PNLDC1: variants seen among roughly 807,000 people sequenced by gnomAD.
PNLDC1 encodes the protein poly(A)-specific ribonuclease PNLDC1.
Under a neutral mutation model 82.0 loss-of-function variants are expected in PNLDC1, and 70 were observed. The ratio of observed to expected loss-of-function variants is 0.85; its 90% confidence interval spans 0.70 to 1.04. The LOEUF (loss-of-function observed/expected upper bound fraction) is 1.04, where lower values mean the gene tolerates loss of function less well. PNLDC1 is among the 50% of genes least tolerant of loss of function. PNLDC1 has a pLI of 0.00. For synonymous variants in PNLDC1, 280 were observed against 249.3 expected (o/e 1.12, Z -1.16); for missense variants, 631 against 661.1 (o/e 0.95, Z 0.50).
intron 12 of PNLDC1, 60 bp from the exon 13 acceptor site, chr6:159,815,909 A>G: frequency 7.8e-7 from 1 of 1,284,996 alleles, no homozygotes; most frequent in Non-Finnish European, 1.1e-6. Context: ...ACTGAGGGGG[A>G]ATACAAGAAG....
chr6:159,802,651 G>T (rs1196392170), intron 3 of PNLDC1, among the ~76,000 whole-genome samples: 1 of 152,168 alleles, frequency 6.6e-6, no homozygotes, highest in Non-Finnish European at 1.5e-5. Flanking sequence ...CACGATCTTG[G>T]CTCCCTGCAA....
chr6:159,818,582 T>C lies in PNLDC1; in HGVS notation c.1185T>C (p.Phe395=). 1 of 1,613,884 alleles carries C rather than the reference T, an allele frequency of 6.2e-7. No homozygotes were observed. Among genetic ancestry groups the C allele is most frequent in the Non-Finnish European group, 8.5e-7 (1 of 1,180,036 alleles). The part of the protein sequence containing the change: ...YHIDPVPESS[F]PQYLDVLAPY... The stretch of plus-strand genomic sequence containing the variant: ...TCGACCCCGTGCCCGAGTCATCCTT[T>C]CCTCAGTACCTTGACGTGCTGGCTC... Residue 395 remains phenylalanine (F), a synonymous_variant, in exon 16 of 19, where the codon TTT becomes TTC. Transcript: ENST00000392167.
chr6:159,809,924 G>C (rs978489494), intron 9 of PNLDC1, 102 bp from the exon 10 acceptor site: 1 of 944,780 alleles, frequency 1.1e-6, no homozygotes, highest in African/African-American at 1.6e-5. Flanking sequence ...GATCAGAATT[G>C]CAGTGGGTTC....
intron 13 of PNLDC1, among the ~76,000 whole-genome samples, chr6:159,816,288 C>G (rs1034430157): frequency 6.7e-6 from 1 of 150,322 alleles, no homozygotes; most frequent in Non-Finnish European, 1.5e-5. Flanking sequence ...ATGAGCGAGC[C>G]CAGAATGCAT....
Position 159,809,415 on chromosome 6 carries a change from G to A in PNLDC1, c.783+257G>A, listed in dbSNP as rs149187991. On this transcript the variant is annotated intron_variant, in intron 9 of 18. Coordinates refer to ENST00000392167, the MANE Select transcript of PNLDC1 (RefSeq NM_001271862.2). ...AACTCATACCTCAGCTTCCTGAGTA[G>A]CTGGGACTACAGGCACATGCCACCA... Among the ~76,000 whole-genome samples the A allele has an allele frequency of 1.5e-3, 224 of 151,648 alleles. 1 individual carries two copies. Among genetic ancestry groups the A allele is most frequent in the African/African-American group, 5.0e-3 (208 of 41,292 alleles).
At chr6:159,800,550 C>T in intron 1 of PNLDC1, 167 bp downstream of exon 1, 2 of 1,350,608 alleles carry the variant, frequency 1.5e-6, no homozygotes, top group Non-Finnish European at 2.0e-6. Context: ...CTTTGAGCAG[C>T]AAGTACACTC....
In PNLDC1 at chr6:159,803,407, C is replaced by T. The variant is rs539096933; in HGVS notation, c.248+97C>T. The T allele has an allele frequency of 2.7e-5, 30 of 1,123,694 alleles. No homozygotes were observed. In the East Asian group the frequency reaches 7.1e-4, roughly 26 times the overall value. The allele number at this position is 1,123,694 out of a possible 1,614,324, so 69.6% of individuals were successfully genotyped here. On this transcript the variant is annotated intron_variant, in intron 4 of 18. Transcript: ENST00000392167. ...GCCTCAGGTGCCCCGATCACTTTTG[C>T]CCTGGATCTTCCGTATTCTCTCCTG...
At chr6:159,804,402 C>A in intron 5 of PNLDC1, 147 bp from the exon 6 acceptor site, 1 of 655,058 alleles carries the variant, frequency 1.5e-6, no homozygotes. Flanking sequence ...CCGCACCCGG[C>A]CTGGGAATGT....
intron 3 of PNLDC1, among the ~76,000 whole-genome samples, chr6:159,801,528 C>G (rs1424329308): frequency 6.6e-6 from 1 of 152,164 alleles, no homozygotes; most frequent in African/African-American, 2.4e-5. Context: ...CTCACTGCAG[C>G]CTAGACTTCC....
intron 5 of PNLDC1, 130 bp downstream of exon 5, chr6:159,804,218 A>G: frequency 9.1e-7 from 1 of 1,098,902 alleles, no homozygotes; most frequent in South Asian, 1.5e-5. Context: ...TTCCTGCTTC[A>G]GCCTCCCAAG....
Position 159,818,663 on chromosome 6 carries a change from AT to A in PNLDC1, c.1257+10del. 6.2e-7 allele frequency: 1 copy of A among 1,610,782 alleles called. No homozygotes were observed. The highest frequency in any genetic ancestry group is 8.5e-7 in the Non-Finnish European group (1 of 1,177,658). ...CGGGGGTCCCAAAGATCGTGAGTAG[AT>A]CTCATTTGGCCCCCTCGCCCCATTC... On this transcript the variant is annotated intron_variant, in intron 16 of 18. Coordinates refer to ENST00000392167, the MANE Select transcript of PNLDC1 (RefSeq NM_001271862.2).
chr6:159,811,597 T>A (rs1448507716), intron 10 of PNLDC1, 104 bp from the exon 11 acceptor site: 1 of 814,702 alleles, frequency 1.2e-6, no homozygotes, highest in Non-Finnish European at 2.1e-6. Context: ...TGTTTCAGTT[T>A]GCTTTATTAA....
Position 159,820,618 on chromosome 6 carries a change from G to A in PNLDC1, c.*101G>A, listed in dbSNP as rs1245729411. 1.7e-6 allele frequency: 2 copies of A among 1,150,858 alleles called. No homozygotes were observed. Among genetic ancestry groups the A allele is most frequent in the Admixed American group, 1.7e-5 (1 of 57,852 alleles). The allele number at this position is 1,150,858 out of a possible 1,614,324, so 71.3% of individuals were successfully genotyped here. On this transcript the variant is annotated 3_prime_UTR_variant, in exon 19 of 19. Transcript: ENST00000392167. Reference sequence around the variant, plus strand: ...TCAGATTCTGTTTGCAGATGGATCTGTTTGGTCTTTTCTAGAAATTCTGTT... The same window carrying A: ...TCAGATTCTGTTTGCAGATGGATCTATTTGGTCTTTTCTAGAAATTCTGTT...
Position 159,816,607 on chromosome 6 carries a change from C to T in PNLDC1, c.1114+11C>T, listed in dbSNP as rs763454358. 43 of 1,603,688 alleles carry T rather than the reference C, an allele frequency of 2.7e-5. No homozygotes were observed. The highest frequency in any genetic ancestry group is 1.8e-4 in the Admixed American group (11 of 59,662). ...TCCTCTGTGGGTCAGGTAAGGATTG[C>T]GGTTCCTTTAAAAGGAAACTCACTT... On this transcript the variant is annotated intron_variant, in intron 14 of 18. Transcript: ENST00000392167.
intron 15 of PNLDC1, among the ~76,000 whole-genome samples, chr6:159,817,980 A>G (rs1781892245): frequency 1.3e-5 from 2 of 152,228 alleles, no homozygotes; most frequent in African/African-American, 4.8e-5. Flanking sequence ...CCTGGTAAGT[A>G]CGTGTGTGCT....
At chr6:159,802,302 A>C (rs982419397) in intron 3 of PNLDC1, among the ~76,000 whole-genome samples, 1 of 150,980 alleles carries the variant, frequency 6.6e-6, no homozygotes, top group Admixed American at 6.6e-5. Flanking sequence ...CCTCTCCCGC[A>C]CCATTGGGTT....
Position 159,806,086 on chromosome 6 carries a change from A to G in PNLDC1, c.562+3A>G. 6.2e-7 allele frequency: 1 copy of G among 1,611,596 alleles called. No individual in the cohort carries two copies. Among genetic ancestry groups the G allele is most frequent in the Non-Finnish European group, 8.5e-7 (1 of 1,177,804 alleles). On this transcript the variant is annotated splice_donor_region_variant and intron_variant, in intron 7 of 18. Coordinates refer to ENST00000392167, the MANE Select transcript of PNLDC1 (RefSeq NM_001271862.2). ...GATGACTCTTCCTGGGATCACTGGT[A>G]GGCAGGGCCTGTTCCTCCCAACGCA...
At chr6:159,812,117 G>A (rs149823288) in intron 11 of PNLDC1, among the ~76,000 whole-genome samples, 2 of 152,068 alleles carry the variant, frequency 1.3e-5, no homozygotes, top group Non-Finnish European at 1.5e-5. Context: ...AGCCAGGATC[G>A]TCTTGATCTC....
Position 159,803,682 on chromosome 6 carries a change from C to T in PNLDC1, c.249-283C>T, listed in dbSNP as rs79950243. 1.6e-4 allele frequency among the ~76,000 whole-genome samples: 25 copies of T among 152,304 alleles called. No homozygotes were observed. The East Asian group carries it at 4.2e-3, about 26-fold the overall frequency. ...CAACTATCAGGATGCCTCCCCACCC[C>T]CCATGAGCAGTTGAGGGTGCCAGCC... On this transcript the variant is annotated intron_variant, in intron 4 of 18. Transcript: ENST00000392167.
Sources: allele counts gnomAD v4.1 joint callset (sites outside exome capture counted in the v4.1 genomes callset), GRCh38; gene constraint gnomAD v4.1.1; transcripts MANE v1.5; gene names NCBI Gene and HGNC (gene_info 2026-07-23, HGNC 2026-07-21).